RBFOX1: variants seen among roughly 807,000 people sequenced by gnomAD.
The protein encoded by RBFOX1 is RNA binding protein fox-1 homolog 1.
In RBFOX1, 8 loss-of-function variants were observed where a neutral mutation model predicts 57.7. That is an observed-to-expected ratio of 0.14 (90% CI 0.08 to 0.25). The LOEUF is 0.25. Ranked by LOEUF, RBFOX1 falls within the 10% of genes least tolerant of loss-of-function variation. The pLI, the probability that RBFOX1 is intolerant of heterozygous loss-of-function variation, is 1.00. For missense variants in RBFOX1, 611 were observed against 548.5 expected, an observed-to-expected ratio of 1.11 and a Z score of -1.14; for synonymous variants, 326 against 222.4, an observed-to-expected ratio of 1.47 and a Z score of -4.15.
chr16:5,629,108 A>AACG (rs1567319110), intron 3 of RBFOX1, among the ~76,000 whole-genome samples: 1 of 151,760 alleles, frequency 6.6e-6, no homozygotes, highest in African/African-American at 2.4e-5. Flanking sequence ...GATGCTGTAA[A>AACG]AAGAAGAAGC....
At chr16:7,637,280 A>G (rs2061926804) in intron 11 of RBFOX1, among the ~76,000 whole-genome samples, 1 of 150,522 alleles carries the variant, frequency 6.6e-6, no homozygotes, top group South Asian at 2.1e-4. Context: ...TCAAAAAAAA[A>G]AAAAGAAGGA....
chr16:5,292,862 G>T (rs2063569522), intron 1 of RBFOX1, among the ~76,000 whole-genome samples: 2 of 152,038 alleles, frequency 1.3e-5, no homozygotes, highest in South Asian at 4.2e-4. Context: ...TGACCTCGTG[G>T]TCCATCCACC....
At chr16:6,866,173 C>G (rs1030318475) in intron 3 of RBFOX1, among the ~76,000 whole-genome samples, 1 of 152,074 alleles carries the variant, frequency 6.6e-6, no homozygotes, top group African/African-American at 2.4e-5. Flanking sequence ...TATAAAACAG[C>G]TTTGCTCACC....
At chr16:5,922,475 C>T (rs534094311) in intron 4 of RBFOX1, among the ~76,000 whole-genome samples, 1 of 152,150 alleles carries the variant, frequency 6.6e-6, no homozygotes, top group Admixed American at 6.5e-5. Flanking sequence ...GGCTAACACA[C>T]TGGAAGTTCC....
chr16:5,597,532 T>C (rs2047226794), intron 2 of RBFOX1, among the ~76,000 whole-genome samples: 1 of 151,696 alleles, frequency 6.6e-6, no homozygotes, highest in East Asian at 1.9e-4. Context: ...CCCAAGTAGC[T>C]GAGATTACAG....
intron 3 of RBFOX1, among the ~76,000 whole-genome samples, chr16:6,835,915 T>C (rs2093062822): frequency 6.6e-6 from 1 of 152,112 alleles, no homozygotes; most frequent in Admixed American, 6.6e-5. Flanking sequence ...GAGGATCATA[T>C]GTGCTGAGCC....
intron 3 of RBFOX1, among the ~76,000 whole-genome samples, chr16:6,944,708 C>G (rs1285941148): frequency 6.6e-6 from 1 of 152,118 alleles, no homozygotes; most frequent in Non-Finnish European, 1.5e-5. Flanking sequence ...ACATGGTTTC[C>G]TGGGCAACCT....
At chr16:6,209,630 C>G (rs2097279429) in intron 1 of RBFOX1, among the ~76,000 whole-genome samples, 2 of 152,254 alleles carry the variant, frequency 1.3e-5, no homozygotes, top group Non-Finnish European at 2.9e-5. Context: ...TGCCCTAAAA[C>G]TCAACTTGCT....
chr16:7,321,112 CA>C (rs2096538046), intron 4 of RBFOX1, among the ~76,000 whole-genome samples: 2 of 150,068 alleles, frequency 1.3e-5, no homozygotes, highest in African/African-American at 2.5e-5. Context: ...TATACATATA[CA>C]TATACATATA....
intron 3 of RBFOX1, among the ~76,000 whole-genome samples, chr16:6,758,420 G>A (rs1268435043): frequency 6.6e-6 from 1 of 152,184 alleles, no homozygotes; most frequent in Non-Finnish European, 1.5e-5. Context: ...AGCAACGGGT[G>A]CTAGAGTTGA....
intron 3 of RBFOX1, among the ~76,000 whole-genome samples, chr16:6,808,178 G>GTGTGTGTGTGTGTGTGTA (rs1318609964): frequency 1.9e-4 from 28 of 145,542 alleles, no homozygotes; most frequent in African/African-American, 7.3e-4. Context: ...GTGTGTGTGT[G>GTGTGTGTGTGTGTGTGTA]TATATATATA....
At chr16:7,691,487 G>C (rs8055759) in intron 14 of RBFOX1, among the ~76,000 whole-genome samples, 64,275 of 151,728 alleles carry the variant, frequency 0.42, 14,397 homozygotes, top group South Asian at 0.54. Context: ...AAAAGAGGAA[G>C]AAAGGAGGAA....
At chr16:6,918,550 T>A (rs188589524) in intron 3 of RBFOX1, among the ~76,000 whole-genome samples, 2 of 152,286 alleles carry the variant, frequency 1.3e-5, no homozygotes, top group Non-Finnish European at 2.9e-5. Context: ...CCTCCTGATA[T>A]CCAGAGGCAT....
At chr16:7,142,216 G>C (rs1367263075) in intron 4 of RBFOX1, among the ~76,000 whole-genome samples, 1 of 152,028 alleles carries the variant, frequency 6.6e-6, no homozygotes, top group Admixed American at 6.6e-5. Context: ...TAAAGATGGG[G>C]TTTCATCATG....
intron 1 of RBFOX1, among the ~76,000 whole-genome samples, chr16:6,292,597 G>GT (rs2077584442): frequency 1.0e-5 from 1 of 98,794 alleles, no homozygotes; most frequent in Non-Finnish European, 2.3e-5. Flanking sequence ...AAATGGTTGA[G>GT]GGGGAACCTC....
intron 3 of RBFOX1, among the ~76,000 whole-genome samples, chr16:6,821,347 A>G (rs72766754): frequency 0.066 from 10,091 of 152,292 alleles, 492 homozygotes; most frequent in Non-Finnish European, 0.11. Context: ...CCCAAATTGG[A>G]AAACTAGTCT....
chr16:6,568,442 A>G (rs2097298004), intron 2 of RBFOX1, among the ~76,000 whole-genome samples: 1 of 152,160 alleles, frequency 6.6e-6, no homozygotes, highest in African/African-American at 2.4e-5. Flanking sequence ...CGGGGAGAGA[A>G]AAGGGAGAAA....
intron 3 of RBFOX1, among the ~76,000 whole-genome samples, chr16:5,758,108 G>T (rs2053463976): frequency 6.6e-6 from 1 of 152,158 alleles, no homozygotes; most frequent in Non-Finnish European, 1.5e-5. Context: ...ACCCATATGT[G>T]TGGGGGCACA....
intron 4 of RBFOX1, among the ~76,000 whole-genome samples, chr16:5,873,467 A>G (rs2057529799): frequency 6.6e-6 from 1 of 152,196 alleles, no homozygotes; most frequent in African/African-American, 2.4e-5. Flanking sequence ...AGCACCAAAG[A>G]ATATTTAAAG....
Sources: allele counts gnomAD v4.1 joint callset (sites outside exome capture counted in the v4.1 genomes callset), GRCh38; gene constraint gnomAD v4.1.1; transcripts MANE v1.5; gene names NCBI Gene and HGNC (gene_info 2026-07-23, HGNC 2026-07-21).